Variants in HEMK2 observed in about 807,000 individuals in gnomAD.
HEMK2 encodes the protein HemK methyltransferase 2, ETF1 glutamine and histone H4 lysine, also known as methyltransferase HEMK2.
chr21:28,649,561 C>G, the HEMK2 span, among the ~76,000 whole-genome samples: 1 of 152,154 alleles, frequency 6.6e-6, no homozygotes, highest in Non-Finnish European at 1.5e-5. Context: ...ACTACATGAA[C>G]AGTAGAATTT....
chr21:28,755,446 G>T, the HEMK2 span, among the ~76,000 whole-genome samples: 29,423 of 152,086 alleles, frequency 0.19, 3,557 homozygotes, highest in African/African-American at 0.34. Context: ...AGTTTAGGTA[G>T]CTCCCTCTCA....
chr21:28,736,521 C>T, the HEMK2 span, among the ~76,000 whole-genome samples: 2 of 152,084 alleles, frequency 1.3e-5, no homozygotes, highest in Non-Finnish European at 2.9e-5. Context: ...TTTGGGAGGC[C>T]GAGGTAGGCA....
At chr21:28,693,743 T>A in the HEMK2 span, among the ~76,000 whole-genome samples, 1 of 152,232 alleles carries the variant, frequency 6.6e-6, no homozygotes, top group East Asian at 1.9e-4. Context: ...TTTACCTAAC[T>A]AACTTGCCTT....
the HEMK2 span, chr21:28,872,051 C>T: frequency 1.3e-5 from 2 of 152,114 alleles, no homozygotes; most frequent in Admixed American, 6.5e-5. Flanking sequence ...CAGTTGGACA[C>T]GAATTTTGTT....
chr21:28,647,413 CAGG>C, the HEMK2 span, among the ~76,000 whole-genome samples: 8 of 142,370 alleles, frequency 5.6e-5, no homozygotes, highest in Non-Finnish European at 1.0e-4. Flanking sequence ...GAGGCTGAAG[CAGG>C]AGAATTGCTT....
chr21:28,795,790 C>T, the HEMK2 span, among the ~76,000 whole-genome samples: 1 of 152,082 alleles, frequency 6.6e-6, no homozygotes, highest in South Asian at 2.1e-4. Context: ...AGAGGCTGAT[C>T]GAAAAGGAAA....
At chr21:28,589,240 T>C in the HEMK2 span, among the ~76,000 whole-genome samples, 1 of 152,148 alleles carries the variant, frequency 6.6e-6, no homozygotes, top group Non-Finnish European at 1.5e-5. Context: ...TATTGAGGTA[T>C]ACATGACAAT....
the HEMK2 span, among the ~76,000 whole-genome samples, chr21:28,841,269 A>AT: frequency 2.2e-4 from 1 of 4,650 alleles, no homozygotes; most frequent in Admixed American, 5.5e-3. Flanking sequence ...TATAATATAT[A>AT]TTATATATTA....
chr21:28,830,981 A>G, the HEMK2 span, among the ~76,000 whole-genome samples: 175 of 152,212 alleles, frequency 1.1e-3, no homozygotes, highest in African/African-American at 3.5e-3. Flanking sequence ...ATTTTTTAAA[A>G]TATGTATTGT....
At chr21:28,667,594 T>C in the HEMK2 span, among the ~76,000 whole-genome samples, 1 of 152,090 alleles carries the variant, frequency 6.6e-6, no homozygotes, top group Non-Finnish European at 1.5e-5. Context: ...CATCATTGCA[T>C]GCCTCTATCA....
At chr21:28,882,463 G>T in the HEMK2 span, among the ~76,000 whole-genome samples, 2 of 152,024 alleles carry the variant, frequency 1.3e-5, no homozygotes, top group South Asian at 4.1e-4. Context: ...AAGAGTAGAA[G>T]AATACACATA....
chr21:28,769,467 T>A, the HEMK2 span, among the ~76,000 whole-genome samples: 2 of 152,088 alleles, frequency 1.3e-5, no homozygotes, highest in African/African-American at 4.8e-5. Context: ...GCAGCAGATA[T>A]ATGCCCTGGG....
the HEMK2 span, among the ~76,000 whole-genome samples, chr21:28,731,677 C>T: frequency 2.0e-5 from 3 of 151,536 alleles, no homozygotes; most frequent in East Asian, 3.9e-4. Context: ...TAATGGGTGC[C>T]GCACACCAGC....
At chr21:28,630,800 G>T in the HEMK2 span, among the ~76,000 whole-genome samples, 1 of 111,832 alleles carries the variant, frequency 8.9e-6, no homozygotes, top group African/African-American at 3.4e-5. Flanking sequence ...GAGGGGGGAG[G>T]GATAGCATTA....
At chr21:28,722,592 C>T in the HEMK2 span, among the ~76,000 whole-genome samples, 10 of 152,290 alleles carry the variant, frequency 6.6e-5, no homozygotes, top group East Asian at 1.9e-3. Context: ...GGAAGAAAGG[C>T]ATCCATAGGC....
At chr21:28,881,052 A>G in the HEMK2 span, among the ~76,000 whole-genome samples, 3 of 151,674 alleles carry the variant, frequency 2.0e-5, no homozygotes, top group Non-Finnish European at 4.4e-5. Flanking sequence ...TGCTATTATT[A>G]TTTTTGCCTA....
the HEMK2 span, among the ~76,000 whole-genome samples, chr21:28,869,209 G>C: frequency 6.6e-6 from 1 of 152,148 alleles, no homozygotes; most frequent in Non-Finnish European, 1.5e-5. Context: ...ATCCACATCT[G>C]TTGAGGTGAT....
chr21:28,638,304 G>A, the HEMK2 span, among the ~76,000 whole-genome samples: 21 of 152,296 alleles, frequency 1.4e-4, no homozygotes, highest in Admixed American at 1.1e-3. Flanking sequence ...TGAAGGTTAT[G>A]TAGAGGGTCA....
At chr21:28,652,051 T>C in the HEMK2 span, among the ~76,000 whole-genome samples, 2 of 152,254 alleles carry the variant, frequency 1.3e-5, no homozygotes, top group Non-Finnish European at 2.9e-5. Flanking sequence ...TCATTACATT[T>C]TTTCCTATGG....
Sources: allele counts gnomAD v4.1 joint callset (sites outside exome capture counted in the v4.1 genomes callset), GRCh38; gene constraint gnomAD v4.1.1; transcripts MANE v1.5; gene names NCBI Gene and HGNC (gene_info 2026-07-23, HGNC 2026-07-21).